Variants in PCMTD1 observed in about 807,000 individuals in gnomAD.
The protein encoded by PCMTD1 is protein-L-isoaspartate (D-aspartate) O-methyltransferase domain containing 1, also known as protein-L-isoaspartate O-methyltransferase domain-containing protein 1.
PCMTD1 carries 12 observed loss-of-function variants against 37.6 expected under a neutral mutation model. That is an observed-to-expected ratio of 0.32 (90% CI 0.20 to 0.52). The LOEUF (loss-of-function observed/expected upper bound fraction) is 0.52, where lower values mean the gene tolerates loss of function less well. PCMTD1 is among the 20% of genes least tolerant of loss of function. The pLI is 0.97. For synonymous variants in PCMTD1, 117 were observed against 135.8 expected (o/e 0.86, Z 0.96); for missense variants, 235 against 421.3 (o/e 0.56, Z 3.87).
rs1228698879 is a variant in PCMTD1, at chr8:51,843,331, GATA to G, written c.410+2327_410+2329del. On this transcript the variant is annotated intron_variant, in intron 3 of 5. Coordinates refer to ENST00000522514, the MANE Select transcript of PCMTD1 (RefSeq NM_052937.4). The stretch of plus-strand genomic sequence containing the variant: ...TGTTTTAGTACACTGAAAAGATTAG[GATA>G]ATAAAATTTTCAGAACTGTCTTCTT... 5.3e-5 allele frequency among the ~76,000 whole-genome samples: 8 copies of G among 152,102 alleles called. No individual in the cohort carries two copies. In the East Asian group the frequency reaches 1.5e-3, roughly 29 times the overall value.
At chr8:51,889,984 T>A (rs1297155730) in intron 1 of PCMTD1, among the ~76,000 whole-genome samples, 1 of 126,710 alleles carries the variant, frequency 7.9e-6, no homozygotes, top group East Asian at 2.2e-4. Context: ...CAGTGATAAC[T>A]GAACAAGTCC....
intron 1 of PCMTD1, among the ~76,000 whole-genome samples, chr8:51,894,050 A>AT (rs1432416245): frequency 1.3e-5 from 2 of 152,226 alleles, no homozygotes; most frequent in African/African-American, 4.8e-5. Flanking sequence ...AAACAGCTGT[A>AT]TGAATGTGCA....
intron 5 of PCMTD1, among the ~76,000 whole-genome samples, chr8:51,824,622 C>G (rs1053441401): frequency 3.3e-5 from 5 of 152,122 alleles, no homozygotes; most frequent in Admixed American, 1.3e-4. Flanking sequence ...CCATACTGTC[C>G]ATAGTAATTT....
At chr8:51,897,339 C>G (rs2039018570) in intron 1 of PCMTD1, among the ~76,000 whole-genome samples, 1 of 152,144 alleles carries the variant, frequency 6.6e-6, no homozygotes, top group East Asian at 1.9e-4. Context: ...AGTTTACTCC[C>G]TATAGCTTAC....
At chr8:51,858,912 TAAG>T (rs1257305886) in intron 2 of PCMTD1, among the ~76,000 whole-genome samples, 1 of 152,182 alleles carries the variant, frequency 6.6e-6, no homozygotes, top group South Asian at 2.1e-4. Flanking sequence ...ATGTCGTGAT[TAAG>T]ACATTCATGA....
chr8:51,841,077 G>C (rs933596227), intron 3 of PCMTD1, among the ~76,000 whole-genome samples: 1 of 152,030 alleles, frequency 6.6e-6, no homozygotes, highest in Non-Finnish European at 1.5e-5. Context: ...ATAAATCAAC[G>C]TTTACATCAT....
At chr8:51,839,652 AAAC>A (rs2038116570) in intron 3 of PCMTD1, 2 of 984,352 alleles carry the variant, frequency 2.0e-6, no homozygotes, top group South Asian at 4.7e-5. Context: ...AGAGTAGAAA[AAAC>A]AACATTCCCC....
chr8:51,856,479 C>T (rs771875732), intron 2 of PCMTD1, among the ~76,000 whole-genome samples: 8 of 152,162 alleles, frequency 5.3e-5, no homozygotes, highest in Non-Finnish European at 1.0e-4. Context: ...ATTTACCATA[C>T]AGGTCAGCAA....
chr8:51,837,600 A>T (rs1325872625), intron 3 of PCMTD1, among the ~76,000 whole-genome samples: 3 of 152,182 alleles, frequency 2.0e-5, no homozygotes, highest in Non-Finnish European at 4.4e-5. Context: ...CTTCACAATC[A>T]GTTAAAGAAA....
intron 1 of PCMTD1, among the ~76,000 whole-genome samples, chr8:51,874,219 T>C (rs1163959362): frequency 2.0e-5 from 3 of 152,318 alleles, no homozygotes; most frequent in East Asian, 1.9e-4. Context: ...TAATCTGTCA[T>C]CAATGATTCC....
At chr8:51,868,759 G>A (rs2038596378) in intron 1 of PCMTD1, among the ~76,000 whole-genome samples, 1 of 152,132 alleles carries the variant, frequency 6.6e-6, no homozygotes, top group East Asian at 1.9e-4. Flanking sequence ...CATTATTGCT[G>A]AATGTGGAAA....
chr8:51,830,965 G>C (rs2037988654), intron 5 of PCMTD1, among the ~76,000 whole-genome samples: 1 of 150,438 alleles, frequency 6.6e-6, no homozygotes, highest in South Asian at 2.1e-4. Flanking sequence ...GTAGCTAACA[G>C]TGTCTGGTAC....
At chr8:51,855,733 A>G (rs2038377122) in intron 2 of PCMTD1, among the ~76,000 whole-genome samples, 2 of 151,720 alleles carry the variant, frequency 1.3e-5, no homozygotes, top group African/African-American at 4.8e-5. Context: ...GGCATGGCTC[A>G]CTGCAAGCTC....
Position 51,849,711 on chromosome 8 carries a change from T to C in PCMTD1, c.308-3948A>G, listed in dbSNP as rs139049459. The C allele has an allele frequency of 3.2e-3, 610 of 187,946 alleles. 1 individual carries two copies. The highest frequency in any genetic ancestry group is 5.3e-3 in the Non-Finnish European group (480 of 91,246). The allele number at this position is 187,946 out of a possible 1,614,324, so 11.6% of individuals were successfully genotyped here. On this transcript the variant is annotated intron_variant, in intron 2 of 5. Coordinates refer to ENST00000522514, the MANE Select transcript of PCMTD1 (RefSeq NM_052937.4). ...ACTCTTAAGAGTGCTTTTCTAATAA[T>C]TGGATCTAATCTAGTTCATTTATCA...
chr8:51,824,878 GA>G (rs1187113360), intron 5 of PCMTD1, among the ~76,000 whole-genome samples: 1 of 152,142 alleles, frequency 6.6e-6, no homozygotes, highest in East Asian at 1.9e-4. Context: ...AGAGACCTCA[GA>G]AATAACACTA....
chr8:51,837,484 C>T (rs1349930738), intron 3 of PCMTD1, among the ~76,000 whole-genome samples: 2 of 152,140 alleles, frequency 1.3e-5, no homozygotes, highest in East Asian at 1.9e-4. Context: ...TTAGAGAACT[C>T]ATCTGCCAAA....
At position 51,833,506 on chromosome 8, in the gene PCMTD1, A is replaced by G; in HGVS notation, c.582+12T>C. 2 of 1,594,842 alleles carry G rather than the reference A, an allele frequency of 1.3e-6. No homozygotes were observed. Among genetic ancestry groups the G allele is most frequent in the Non-Finnish European group, 1.7e-6 (2 of 1,170,866 alleles). The stretch of plus-strand genomic sequence containing the variant: ...TTCCTAGGCCACTAAAGAAAAGGAG[A>G]GTGGAAGTTACCTGATCCTCTATAG... On this transcript the variant is annotated intron_variant, in intron 4 of 5. Transcript: ENST00000522514.
rs759571766 is a variant in PCMTD1, at chr8:51,820,664, G to A, written c.761C>T (p.Thr254Ile). 6 of 1,613,668 alleles carry A rather than the reference G, an allele frequency of 3.7e-6. No individual in the cohort carries two copies. In the Admixed American group the frequency reaches 1.0e-4, roughly 27 times the overall value. ...QDLARIYIRR[T>I]LRNFINDEMQ... The stretch of plus-strand genomic sequence containing the variant: ...CTCATCATTTATGAAATTTCTAAGT[G>A]TGCGTCGAATGTAAATACGAGCCAA... The change falls in exon 6 of 6, where the codon ACA becomes ATA. Residue 254 changes from threonine to isoleucine, a missense_variant. Physicochemically the swap from Thr to Ile is moderately conservative, Grantham distance 89 (BLOSUM62 -1). Transcript: ENST00000522514.
intron 5 of PCMTD1, among the ~76,000 whole-genome samples, chr8:51,821,886 C>T (rs1318244828): frequency 6.6e-6 from 1 of 152,090 alleles, no homozygotes; most frequent in Non-Finnish European, 1.5e-5. Context: ...CAGGCATGTG[C>T]CACCACACCA....
Sources: gnomAD v4.1 joint callset for allele counts (sites outside exome capture counted in the v4.1 genomes callset) on GRCh38, gnomAD v4.1.1 for gene constraint, MANE v1.5 for transcripts, NCBI Gene and HGNC (gene_info 2026-07-23, HGNC 2026-07-21) for gene names.